Variants in CECR2 observed in about 807,000 individuals in gnomAD.
CECR2 encodes the protein chromatin remodeling regulator CECR2.
A neutral mutation model predicts 154.5 loss-of-function variants in CECR2; 30 were observed. The observed-to-expected ratio is 0.19, with a 90% CI of 0.15 to 0.26. The LOEUF (loss-of-function observed/expected upper bound fraction) is 0.26. CECR2 is among the 10% of genes least tolerant of loss of function. CECR2 has a pLI of 1.00. For missense variants in CECR2, 1,743 were observed against 1,829.3 expected, an observed-to-expected ratio of 0.95 and a Z score of 0.86; for synonymous variants, 725 against 683.7, an observed-to-expected ratio of 1.06 and a Z score of -0.94.
intron 8 of CECR2, among the ~76,000 whole-genome samples, chr22:17,519,586 G>C (rs950737834): frequency 6.6e-6 from 1 of 151,986 alleles, no homozygotes; most frequent in Non-Finnish European, 1.5e-5. Context: ...TTGTTTGTGA[G>C]TTTTGTGTTC....
At chr22:17,546,555 T>G (rs1028244903) in intron 16 of CECR2, among the ~76,000 whole-genome samples, 4 of 151,702 alleles carry the variant, frequency 2.6e-5, no homozygotes, top group African/African-American at 7.3e-5. Context: ...GGCTGAATAA[T>G]GAAAAGTACG....
chr22:17,382,081 G>A (rs1173369029), intron 1 of CECR2, among the ~76,000 whole-genome samples: 37 of 151,514 alleles, frequency 2.4e-4, no homozygotes, highest in Admixed American at 4.6e-4. Context: ...TAGTAGGGAC[G>A]AGGTTTCGCC....
intron 1 of CECR2, among the ~76,000 whole-genome samples, chr22:17,458,171 C>G (rs1275972777): frequency 6.6e-6 from 1 of 152,092 alleles, no homozygotes; most frequent in Non-Finnish European, 1.5e-5. Flanking sequence ...AATCCCAGCA[C>G]TTGGGGAGGC....
At chr22:17,462,013 G>A (rs925611774) in intron 1 of CECR2, among the ~76,000 whole-genome samples, 11 of 151,692 alleles carry the variant, frequency 7.3e-5, no homozygotes, top group Non-Finnish European at 1.3e-4. Flanking sequence ...GGCTGATCTC[G>A]AACTCCTGAC....
intron 7 of CECR2, among the ~76,000 whole-genome samples, chr22:17,505,372 TG>T (rs1183902564): frequency 6.6e-6 from 1 of 152,024 alleles, no homozygotes; most frequent in African/African-American, 2.4e-5. Flanking sequence ...GGTTTGTCTT[TG>T]TCCTTGTAGC....
chr22:17,467,385 C>T (rs1287328952), intron 1 of CECR2, among the ~76,000 whole-genome samples: 1 of 152,236 alleles, frequency 6.6e-6, no homozygotes, highest in East Asian at 1.9e-4. Flanking sequence ...TAGGACAGGA[C>T]TTGGGTGAGC....
At chr22:17,447,693 G>A (rs1457984862) in intron 1 of CECR2, among the ~76,000 whole-genome samples, 1 of 151,392 alleles carries the variant, frequency 6.6e-6, no homozygotes, top group African/African-American at 2.4e-5. Flanking sequence ...GGCGGTGGGG[G>A]GCTTTAGTTT....
chr22:17,390,630 ATTTTGTTTTG>A (rs201094363), intron 1 of CECR2, among the ~76,000 whole-genome samples: 8 of 151,748 alleles, frequency 5.3e-5, no homozygotes, highest in African/African-American at 1.9e-4. Flanking sequence ...AGGTGTTTTT[ATTTTGTTTTG>A]TTTTGTTTTG....
chr22:17,371,896 G>C (rs975627892), intron 1 of CECR2, among the ~76,000 whole-genome samples: 25 of 152,166 alleles, frequency 1.6e-4, no homozygotes, highest in African/African-American at 5.8e-4. Flanking sequence ...TAAATAACTT[G>C]TCTTCTGTTA....
chr22:17,531,057 A>G (rs1218567901), intron 9 of CECR2, among the ~76,000 whole-genome samples: 1 of 152,198 alleles, frequency 6.6e-6, no homozygotes, highest in African/African-American at 2.4e-5. Context: ...ATGTCTGGGT[A>G]ACTAGAATGA....
At chr22:17,381,408 C>T (rs946774067) in intron 1 of CECR2, among the ~76,000 whole-genome samples, 8 of 152,152 alleles carry the variant, frequency 5.3e-5, no homozygotes, top group Non-Finnish European at 7.3e-5. Flanking sequence ...CTCTGCGTGT[C>T]ATCTTGCATA....
intron 1 of CECR2, among the ~76,000 whole-genome samples, chr22:17,383,792 G>T (rs1270425995): frequency 6.6e-6 from 1 of 151,224 alleles, no homozygotes; most frequent in East Asian, 1.9e-4. Flanking sequence ...AGCCTCCCGA[G>T]TAGCTGGGAT....
rs58669468 is a variant in CECR2 at position 17,456,126 on chromosome 22, A to AATTATT, written c.127-21446_127-21441dup. On this transcript the variant is annotated intron_variant, in intron 1 of 18. Transcript: ENST00000262608. ...AAACCTCACCCCTACATGTTTAGTC[A>AATTATT]ATTATTATTATTATTATTATTGCAA... is the stretch of plus-strand genomic sequence containing the variant. Among the ~76,000 whole-genome samples the AATTATT allele has an allele frequency of 1.2e-4, 18 of 151,658 alleles. No homozygotes were observed. In the South Asian group the frequency reaches 1.5e-3, roughly 12 times the overall value.
rs759906727 is a variant in CECR2, at chr22:17,537,138, G to T, written c.1144G>T (p.Ala382Ser). Residue 382 changes from alanine to serine, a missense_variant, in exon 10 of 19, where the codon GCA (alanine) becomes TCA (serine). Physicochemically the swap from Ala to Ser is moderately conservative, Grantham distance 99. Transcript: ENST00000262608. ...AKRRKLREER[A>S]WLLAQGKELP... is the part of the protein sequence containing the mutation. ...GAGGAGAAAGCTCAGGGAAGAAAGGGCATGGCTGCTGGCTCAAGGAAAGGA... is the reference window on the plus strand; with the variant it reads ...GAGGAGAAAGCTCAGGGAAGAAAGGTCATGGCTGCTGGCTCAAGGAAAGGA... 1.2e-6 allele frequency: 2 copies of T among 1,613,812 alleles called. No homozygotes were observed. Among genetic ancestry groups the T allele is most frequent in the African/African-American group, 1.3e-5 (1 of 74,902 alleles).
At position 17,549,442 on chromosome 22, in the gene CECR2, G is replaced by A. The variant is rs2056671635; in HGVS notation, c.4155G>A (p.Gln1385=). 6.2e-7 allele frequency: 1 copy of A among 1,612,902 alleles called. No homozygotes were observed. Among genetic ancestry groups the A allele is most frequent in the Non-Finnish European group, 8.5e-7 (1 of 1,179,402 alleles). ...PGATQPNGLS[Q]EGPIYRCQEE... is the part of the protein sequence containing the mutation. ...CCACCCAGCCCAACGGCCTCTCTCAGGAGGGTCCCATCTATCGCTGCCAGG... is the reference window on the plus strand; with the variant it reads ...CCACCCAGCCCAACGGCCTCTCTCAAGAGGGTCCCATCTATCGCTGCCAGG... The change falls in exon 17 of 19, where the codon CAG becomes CAA. Residue 1385 remains glutamine (Q), a synonymous_variant. Transcript: ENST00000262608.
intron 1 of CECR2, among the ~76,000 whole-genome samples, chr22:17,360,642 A>C (rs1022524427): frequency 1.3e-5 from 2 of 150,500 alleles, no homozygotes; most frequent in African/African-American, 4.9e-5. Context: ...GTGCCATTGC[A>C]CTCCAGCCTG....
chr22:17,443,700 G>A (rs1203007132), intron 1 of CECR2, among the ~76,000 whole-genome samples: 2 of 152,110 alleles, frequency 1.3e-5, no homozygotes, highest in African/African-American at 2.4e-5. Context: ...TCTTTAGAGC[G>A]ACTTCCGGGT....
chr22:17,405,467 A>AT (rs2053968053), intron 1 of CECR2, among the ~76,000 whole-genome samples: 1 of 88,996 alleles, frequency 1.1e-5, no homozygotes, highest in Admixed American at 1.1e-4. Context: ...ATATAAAATA[A>AT]AATAAAATAT....
chr22:17,451,778 G>A (rs960398896), intron 1 of CECR2, among the ~76,000 whole-genome samples: 1 of 152,174 alleles, frequency 6.6e-6, no homozygotes. Context: ...AAATCCATTA[G>A]GGATATAGCA....
Sources: gnomAD v4.1 joint callset for allele counts (sites outside exome capture counted in the v4.1 genomes callset) on GRCh38, gnomAD v4.1.1 for gene constraint, MANE v1.5 for transcripts, NCBI Gene and HGNC (gene_info 2026-07-23, HGNC 2026-07-21) for gene names.